TTC28: variants seen among roughly 807,000 people sequenced by gnomAD.
The protein encoded by TTC28 is tetratricopeptide repeat domain 28.
TTC28 carries 61 observed loss-of-function variants against 198.0 expected under a neutral mutation model. The observed-to-expected ratio is 0.31, with a 90% confidence interval of 0.25 to 0.38. TTC28 has a LOEUF of 0.38. TTC28 is among the 10% of genes least tolerant of loss of function. The probability of loss-of-function intolerance (pLI) is 1.00; values close to 1 mark genes in which losing one functional copy is unlikely to be tolerated. For synonymous variants in TTC28, 1,171 were observed against 1,297.8 expected, an observed-to-expected ratio of 0.90 and a Z score of 2.10; for missense variants, 2,678 against 3,164.0, an observed-to-expected ratio of 0.85 and a Z score of 3.69.
At chr22:28,620,721 G>A (rs2050981066) in intron 2 of TTC28, among the ~76,000 whole-genome samples, 1 of 152,164 alleles carries the variant, frequency 6.6e-6, no homozygotes, top group Non-Finnish European at 1.5e-5. Context: ...GGTGCTCAGG[G>A]CGTTGTGCCT....
intron 12 of TTC28, among the ~76,000 whole-genome samples, chr22:28,039,501 C>T (rs1440120424): frequency 7.2e-6 from 1 of 137,998 alleles, no homozygotes; most frequent in Non-Finnish European, 1.5e-5. Context: ...AGGGGAACAT[C>T]ACAACCCGGG....
chr22:28,239,381 C>A (rs73882714), intron 5 of TTC28, among the ~76,000 whole-genome samples: 208 of 151,970 alleles, frequency 1.4e-3, no homozygotes, highest in African/African-American at 4.9e-3. Flanking sequence ...CTCTACCGTA[C>A]AAGAAGAAAA....
At chr22:28,077,562 A>G (rs1941209144) in intron 12 of TTC28, among the ~76,000 whole-genome samples, 1 of 152,238 alleles carries the variant, frequency 6.6e-6, no homozygotes, top group Non-Finnish European at 1.5e-5. Context: ...CATCTCCTCC[A>G]ATACTCAATA....
intron 2 of TTC28, among the ~76,000 whole-genome samples, chr22:28,591,080 T>C (rs1337867680): frequency 1.7e-5 from 2 of 118,014 alleles, no homozygotes; most frequent in Non-Finnish European, 3.5e-5. Flanking sequence ...TATATATATA[T>C]ATATAGGAAT....
At chr22:28,142,728 T>C (rs1323283297) in intron 6 of TTC28, among the ~76,000 whole-genome samples, 1 of 152,196 alleles carries the variant, frequency 6.6e-6, no homozygotes, top group Non-Finnish European at 1.5e-5. Context: ...GGTTGGACTT[T>C]TCTGACATGC....
intron 5 of TTC28, among the ~76,000 whole-genome samples, chr22:28,217,112 C>T (rs1927468194): frequency 6.6e-6 from 1 of 152,048 alleles, no homozygotes; most frequent in Non-Finnish European, 1.5e-5. Flanking sequence ...AGATTTGCTG[C>T]AACAAGTTAC....
At chr22:28,260,829 G>T (rs1273237772) in intron 5 of TTC28, among the ~76,000 whole-genome samples, 2 of 152,228 alleles carry the variant, frequency 1.3e-5, no homozygotes, top group African/African-American at 4.8e-5. Flanking sequence ...AAGCCAGAGG[G>T]CTGCCCTTGT....
At chr22:28,020,131 G>C (rs1014889997) in intron 13 of TTC28, among the ~76,000 whole-genome samples, 3 of 152,232 alleles carry the variant, frequency 2.0e-5, no homozygotes, top group Admixed American at 2.0e-4. Flanking sequence ...TGTCCCTAAA[G>C]GTGGTGTGAT....
chr22:28,257,462 T>A (rs537783525), intron 5 of TTC28, among the ~76,000 whole-genome samples: 1 of 152,062 alleles, frequency 6.6e-6, no homozygotes, highest in South Asian at 2.1e-4. Context: ...GCAACATGGA[T>A]ACAACTAGAA....
At chr22:28,538,990 G>C (rs766257013) in intron 2 of TTC28, among the ~76,000 whole-genome samples, 13 of 152,158 alleles carry the variant, frequency 8.5e-5, no homozygotes, top group East Asian at 3.8e-4. Context: ...AACTGAGGTA[G>C]ATTCACCCCA....
intron 2 of TTC28, among the ~76,000 whole-genome samples, chr22:28,525,359 G>A (rs9608690): frequency 0.056 from 8,492 of 152,028 alleles, 361 homozygotes; most frequent in Admixed American, 0.14. Context: ...TCACCATGTC[G>A]CCCAGGCTAG....
intron 2 of TTC28, among the ~76,000 whole-genome samples, chr22:28,623,042 C>T (rs1255921671): frequency 6.6e-6 from 1 of 152,060 alleles, no homozygotes; most frequent in Non-Finnish European, 1.5e-5. Flanking sequence ...AGGCTGGTCT[C>T]GAACTCCTAA....
chr22:28,246,404 T>C (rs925390833), intron 5 of TTC28, among the ~76,000 whole-genome samples: 2 of 152,196 alleles, frequency 1.3e-5, no homozygotes, highest in Admixed American at 6.5e-5. Flanking sequence ...GAGGCTAGAC[T>C]AGATGGACTC....
At chr22:28,458,310 C>T (rs936342526) in intron 2 of TTC28, among the ~76,000 whole-genome samples, 17 of 152,048 alleles carry the variant, frequency 1.1e-4, no homozygotes, top group African/African-American at 2.4e-5. Context: ...ATAAATTCAT[C>T]CAAACAGAAG....
chr22:28,439,813 G>T (rs1025876644), intron 2 of TTC28, among the ~76,000 whole-genome samples: 74 of 152,098 alleles, frequency 4.9e-4, no homozygotes, highest in African/African-American at 1.6e-3. Context: ...CTTTTCTGTG[G>T]TATGATTGAC....
At chr22:28,484,389 G>A (rs1246570956) in intron 2 of TTC28, among the ~76,000 whole-genome samples, 1 of 152,056 alleles carries the variant, frequency 6.6e-6, no homozygotes, top group Admixed American at 6.5e-5. Context: ...TGGGATTACA[G>A]GCATGAGCCA....
intron 2 of TTC28, among the ~76,000 whole-genome samples, chr22:28,538,782 G>A (rs185327428): frequency 2.4e-4 from 36 of 151,824 alleles, no homozygotes; most frequent in Admixed American, 9.8e-4. Flanking sequence ...GGCTGGTCTC[G>A]AACTCCTGAC....
intron 2 of TTC28, among the ~76,000 whole-genome samples, chr22:28,360,555 C>T (rs918437132): frequency 8.5e-5 from 13 of 152,090 alleles, no homozygotes; most frequent in East Asian, 7.7e-4. Context: ...CTGAGTACAA[C>T]GGTATCCTTC....
chr22:28,312,621 T>C lies in TTC28; in HGVS notation c.382-5978A>G, dbSNP rs531440907. Among the ~76,000 whole-genome samples the C allele has an allele frequency of 3.3e-5, 5 of 152,228 alleles. No homozygotes were observed. In the South Asian group the frequency reaches 1.0e-3, roughly 32 times the overall value. ...TGCTCCTGAATAACTACTGGGTACA[T>C]AACAAAATGAAGGCAGAAATAAAGA... On this transcript the variant is annotated intron_variant, in intron 2 of 22. Transcript: ENST00000397906.
Sources: allele counts gnomAD v4.1 joint callset (sites outside exome capture counted in the v4.1 genomes callset), GRCh38; gene constraint gnomAD v4.1.1; transcripts MANE v1.5; gene names NCBI Gene and HGNC (gene_info 2026-07-23, HGNC 2026-07-21).